Variants in RAB3B observed in about 807,000 individuals in gnomAD.
The protein encoded by RAB3B is RAB3B, member RAS oncogene family, also known as ras-related protein Rab-3B.
Under a neutral mutation model 20.5 loss-of-function variants are expected in RAB3B, and 11 were observed. The ratio of observed to expected loss-of-function variants is 0.54; its 90% CI spans 0.34 to 0.89. RAB3B has a LOEUF of 0.89. Ranked by LOEUF, RAB3B falls within the 40% of genes least tolerant of loss-of-function variation. RAB3B has a pLI of 0.02. For synonymous variants in RAB3B, 99 were observed against 106.3 expected, an observed-to-expected ratio of 0.93 and a Z score of 0.42; for missense variants, 225 against 280.9, an observed-to-expected ratio of 0.80 and a Z score of 1.42.
intron 2 of RAB3B, among the ~76,000 whole-genome samples, chr1:51,944,509 A>G (rs1684539449): frequency 6.6e-6 from 1 of 152,258 alleles, no homozygotes; most frequent in South Asian, 2.1e-4. Context: ...CCATTCTACC[A>G]TTAAGAATAT....
chr1:51,971,615 G>A (rs561290953), intron 2 of RAB3B, among the ~76,000 whole-genome samples: 1 of 151,852 alleles, frequency 6.6e-6, no homozygotes, highest in Non-Finnish European at 1.5e-5. Context: ...TGTATTTTTA[G>A]TAAAGGTGGG....
At chr1:51,932,225 T>C (rs1684336690) in intron 4 of RAB3B, among the ~76,000 whole-genome samples, 1 of 152,158 alleles carries the variant, frequency 6.6e-6, no homozygotes, top group Non-Finnish European at 1.5e-5. Flanking sequence ...AGCCCAAATA[T>C]CTGTTCTTCA....
intron 2 of RAB3B, 25 bp from the exon 3 acceptor site, chr1:51,937,437 A>C: frequency 2.0e-6 from 3 of 1,483,522 alleles, no homozygotes; most frequent in Non-Finnish European, 2.7e-6. Context: ...AAAAGAAACA[A>C]TCTCTTAGAA....
chr1:51,941,070 T>C (rs991198010), intron 2 of RAB3B, among the ~76,000 whole-genome samples: 1 of 152,108 alleles, frequency 6.6e-6, no homozygotes, highest in Non-Finnish European at 1.5e-5. Context: ...GGGTGGAATC[T>C]GCACCGAGCC....
chr1:51,966,291 A>C (rs945353513), intron 2 of RAB3B, among the ~76,000 whole-genome samples: 5 of 152,214 alleles, frequency 3.3e-5, no homozygotes, highest in African/African-American at 1.2e-4. Context: ...TCCCAGGTGG[A>C]GGTAGCTGTT....
At chr1:51,933,224 G>A in intron 4 of RAB3B, 94 bp downstream of exon 4, 3 of 1,344,032 alleles carry the variant, frequency 2.2e-6, no homozygotes, top group Non-Finnish European at 3.1e-6. Flanking sequence ...CAACACTAAT[G>A]TCATAAATAC....
At chr1:51,937,439 C>T (rs761688186) in intron 2 of RAB3B, 27 bp from the exon 3 acceptor site, 1 of 1,492,656 alleles carries the variant, frequency 6.7e-7, no homozygotes, top group African/African-American at 1.4e-5. Context: ...AAGAAACAAT[C>T]TCTTAGAAAG....
chr1:51,926,455 A>G (rs1032418693), intron 4 of RAB3B, among the ~76,000 whole-genome samples: 1 of 152,226 alleles, frequency 6.6e-6, no homozygotes. Flanking sequence ...TGTGGGCAGA[A>G]GTGATGTGAT....
rs775794097 is a variant in RAB3B, at chr1:51,977,074, G to C, written c.44C>G (p.Ser15Cys). Residue 15 changes from serine (S) to cysteine (C), a missense_variant, in exon 2 of 5, where the codon TCT becomes TGT. By Grantham distance (112) the Ser-to-Cys change is moderately radical (BLOSUM62 -1). Coordinates refer to ENST00000371655, the MANE Select transcript of RAB3B (RefSeq NM_002867.4). ...TDGKTGVKDA[S>C]DQNFDYMFKL... ...AAACATGTAGTCAAAATTCTGGTCA[G>C]AGGCATCTTTGACTCCAGTTTTACC... The C allele has an allele frequency of 2.5e-6, 4 of 1,614,204 alleles. No individual in the cohort carries two copies. The highest frequency in any genetic ancestry group is 3.4e-6 in the Non-Finnish European group (4 of 1,180,032).
intron 1 of RAB3B, among the ~76,000 whole-genome samples, chr1:51,984,802 C>A (rs377089985): frequency 2.6e-5 from 4 of 152,152 alleles, no homozygotes; most frequent in African/African-American, 7.2e-5. Flanking sequence ...TAAATGTGAT[C>A]TTTACCACAA....
chr1:51,937,268 T>C, intron 3 of RAB3B, 26 bp downstream of exon 3: 5 of 1,508,456 alleles, frequency 3.3e-6, no homozygotes, highest in Non-Finnish European at 4.6e-6. Flanking sequence ...GTTTGTTAAA[T>C]GAATGAATGA....
chr1:51,989,208 T>TTGTGTGTCTG (rs1553232395), intron 1 of RAB3B, among the ~76,000 whole-genome samples: 17 of 99,822 alleles, frequency 1.7e-4, no homozygotes, highest in African/African-American at 5.2e-4. Flanking sequence ...CCATCTTGTT[T>TTGTGTGTCTG]TGTGTGTGTG....
chr1:51,987,272 T>C (rs1685164331), intron 1 of RAB3B, among the ~76,000 whole-genome samples: 1 of 152,208 alleles, frequency 6.6e-6, no homozygotes, highest in African/African-American at 2.4e-5. Flanking sequence ...AACTTACCTT[T>C]TGTTGCAAAG....
chr1:51,929,999 A>C (rs1304538197), intron 4 of RAB3B, among the ~76,000 whole-genome samples: 1 of 152,232 alleles, frequency 6.6e-6, no homozygotes, highest in Non-Finnish European at 1.5e-5. Flanking sequence ...CAATCCATGC[A>C]GTAGAAGCCT....
chr1:51,960,352 A>T (rs566289356), intron 2 of RAB3B, among the ~76,000 whole-genome samples: 29 of 152,210 alleles, frequency 1.9e-4, no homozygotes, highest in African/African-American at 6.7e-4. Flanking sequence ...CACTCAAGAG[A>T]GGGGGCACTG....
At chr1:51,971,990 G>A (rs913431875) in intron 2 of RAB3B, among the ~76,000 whole-genome samples, 1 of 152,032 alleles carries the variant, frequency 6.6e-6, no homozygotes, top group African/African-American at 2.4e-5. Flanking sequence ...AGACAAGCCT[G>A]GCCAACATGG....
At chr1:51,932,127 T>C (rs995701088) in intron 4 of RAB3B, among the ~76,000 whole-genome samples, 1 of 152,020 alleles carries the variant, frequency 6.6e-6, no homozygotes, top group South Asian at 2.1e-4. Context: ...GAAAAAAGTA[T>C]ACAACACACA....
chr1:51,977,104 G>A lies in RAB3B; in HGVS notation c.14C>T (p.Thr5Ile), dbSNP rs1265910466. 1 of 1,614,086 alleles carries A rather than the reference G, an allele frequency of 6.2e-7. No homozygotes were observed. Among genetic ancestry groups the A allele is most frequent in the Admixed American group, 1.7e-5 (1 of 60,028 alleles). The change falls in exon 2 of 5, where the codon ACA (threonine) becomes ATA (isoleucine). Residue 5 changes from threonine (T) to isoleucine (I), a missense_variant. Physicochemically the swap from Thr to Ile is moderately conservative, Grantham distance 89 (BLOSUM62 -1). Transcript: ENST00000371655. ...ATCTTTGACTCCAGTTTTACCATCT[G>A]TCACTGAAGCCATCTGCAAGAGAGA... MASVTDGKTGVKDAS... is the reference protein window; with the variant it reads MASVIDGKTGVKDAS...
At chr1:51,923,806 C>T (rs1174885692) in intron 4 of RAB3B, among the ~76,000 whole-genome samples, 1 of 151,442 alleles carries the variant, frequency 6.6e-6, no homozygotes, top group Admixed American at 6.6e-5. Flanking sequence ...GGTGCCAAGG[C>T]AGGAAGGTTG....
Sources: gnomAD v4.1 joint callset for allele counts (sites outside exome capture counted in the v4.1 genomes callset) on GRCh38, gnomAD v4.1.1 for gene constraint, MANE v1.5 for transcripts, NCBI Gene and HGNC (gene_info 2026-07-23, HGNC 2026-07-21) for gene names.